Variants in C5 observed in about 807,000 individuals in gnomAD.
C5 encodes the protein complement C5.
Under a neutral mutation model 218.8 loss-of-function variants are expected in C5, and 140 were observed. The observed-to-expected ratio is 0.64, with a 90% CI of 0.56 to 0.74. The LOEUF is 0.74. Ranked by LOEUF, C5 falls within the 30% of genes least tolerant of loss-of-function variation. C5 has a pLI of 0.00. For synonymous variants in C5, 614 were observed against 682.3 expected (o/e 0.90, Z 1.56); for missense variants, 1,700 against 1,969.6 (o/e 0.86, Z 2.59).
At chr9:121,002,284 A>ATGTGTGTGTG (rs1301302145) in intron 20 of C5, among the ~76,000 whole-genome samples, 11 of 118,648 alleles carry the variant, frequency 9.3e-5, no homozygotes, top group Middle Eastern at 4.5e-3. Context: ...ATATATACGT[A>ATGTGTGTGTG]TATATGTATA....
intron 3 of C5, among the ~76,000 whole-genome samples, chr9:121,040,699 A>C (rs925104958): frequency 6.6e-6 from 1 of 152,152 alleles, no homozygotes; most frequent in African/African-American, 2.4e-5. Flanking sequence ...TCTATGAGGT[A>C]AGTTGTATTA....
chr9:121,025,768 A>T (rs1054127980), intron 8 of C5, 188 bp from the exon 9 acceptor site: 2 of 545,098 alleles, frequency 3.7e-6, no homozygotes, highest in Admixed American at 3.1e-5. Flanking sequence ...ATTTGTATAG[A>T]ATTATAGAAG....
At chr9:120,985,065 TG>T (rs959274200) in intron 25 of C5, among the ~76,000 whole-genome samples, 1 of 152,132 alleles carries the variant, frequency 6.6e-6, no homozygotes, top group Non-Finnish European at 1.5e-5. Context: ...TTGGTACTCT[TG>T]GGTGTCTCAT....
In C5 at chr9:120,962,795, G is replaced by T; in HGVS notation, c.4399-19C>A. ...AGGGAATCTGTTTAACAAATTCAAGGATTTAAGGAAATTATGGAGAGATGA... is the reference window on the plus strand; with the variant it reads ...AGGGAATCTGTTTAACAAATTCAAGTATTTAAGGAAATTATGGAGAGATGA... On this transcript the variant is annotated intron_variant, in intron 35 of 40. Transcript: ENST00000223642. 6.2e-7 allele frequency: 1 copy of T among 1,606,254 alleles called. No homozygotes were observed. The highest frequency in any genetic ancestry group is 8.5e-7 in the Non-Finnish European group (1 of 1,172,880).
intron 20 of C5, among the ~76,000 whole-genome samples, chr9:121,003,900 G>A (rs2047193054): frequency 1.3e-5 from 2 of 151,940 alleles, no homozygotes; most frequent in African/African-American, 4.8e-5. Flanking sequence ...ACGGAGTGTC[G>A]CTCTGTCGCC....
At chr9:120,982,590 A>T (rs2047003133) in intron 26 of C5, 65 bp downstream of exon 26, 5 of 1,266,198 alleles carry the variant, frequency 3.9e-6, no homozygotes. Context: ...TCCTCCCATA[A>T]TCAGATGAGA....
chr9:120,962,180 C>T (rs2046832344), intron 36 of C5, among the ~76,000 whole-genome samples: 1 of 152,180 alleles, frequency 6.6e-6, no homozygotes, highest in African/African-American at 2.4e-5. Flanking sequence ...ATACCCGACG[C>T]TGCGTTAGAT....
At chr9:121,029,462 T>C (rs1052458490) in intron 7 of C5, among the ~76,000 whole-genome samples, 8 of 152,224 alleles carry the variant, frequency 5.3e-5, no homozygotes, top group Non-Finnish European at 1.2e-4. Flanking sequence ...TATCAACGCA[T>C]AGAGTTGTTG....
In C5 at chr9:121,020,094, C is replaced by A. The variant is rs780567968; in HGVS notation, c.1388G>T (p.Ser463Ile). ...ATCAGTCCAATCAATATAAAGGTAA[C>A]TTTGGCTGAGAGATGAGTATGCTAT... ...RAIAYSSLSQ[S>I]YLYIDWTDNH... is the part of the protein sequence containing the mutation. The change falls in exon 12 of 41, where the codon AGT (serine) becomes ATT (isoleucine). Residue 463 changes from serine (S) to isoleucine (I), a missense_variant. Ser to Ile is a moderately radical substitution (Grantham distance 142, BLOSUM62 -2). Coordinates refer to ENST00000223642, the MANE Select transcript of C5 (RefSeq NM_001735.3). 6.2e-7 allele frequency: 1 copy of A among 1,613,768 alleles called. No individual in the cohort carries two copies. Among genetic ancestry groups the A allele is most frequent in the South Asian group, 1.1e-5 (1 of 91,076 alleles).
chr9:121,072,247 G>T, the C5 span, among the ~76,000 whole-genome samples: 1 of 152,034 alleles, frequency 6.6e-6, no homozygotes, highest in Non-Finnish European at 1.5e-5. Context: ...CCACCCTCTG[G>T]ACTTTTTATG....
the C5 span, among the ~76,000 whole-genome samples, chr9:121,060,045 T>C: frequency 6.6e-6 from 1 of 152,248 alleles, no homozygotes; most frequent in East Asian, 1.9e-4. Context: ...ATTTATTACA[T>C]AGCAATAGTA....
chr9:121,050,191 T>C lies in C5; in HGVS notation c.56A>G (p.Gln19Arg), dbSNP rs2047661225. ...FLIFLGKTWG[Q>R]EQTYVISAPK... ...AGCTTGTTTTACTTACGTTTGCTCC[T>C]GTCCCCAGGTTTTCCCCAGGAAGAT... The change falls in exon 1 of 41, where the codon CAG (glutamine) becomes CGG (arginine). Residue 19 changes from glutamine (Q) to arginine (R), a missense_variant. Transcript: ENST00000223642. 1 of 1,613,320 alleles carries C rather than the reference T, an allele frequency of 6.2e-7. No homozygotes were observed. Among genetic ancestry groups the C allele is most frequent in the Non-Finnish European group, 8.5e-7 (1 of 1,179,374 alleles).
chr9:121,028,069 T>C (rs1243163732), intron 7 of C5, among the ~76,000 whole-genome samples: 2 of 152,222 alleles, frequency 1.3e-5, no homozygotes, highest in African/African-American at 4.8e-5. Context: ...AAGACATTTA[T>C]GCAGCTAACA....
the C5 span, among the ~76,000 whole-genome samples, chr9:121,070,087 G>C: frequency 6.6e-6 from 1 of 152,106 alleles, no homozygotes; most frequent in East Asian, 1.9e-4. Flanking sequence ...GCCAGACGTA[G>C]TGGCTCATGC....
chr9:121,043,210 G>A (rs2047596413), intron 2 of C5, 44 bp from the exon 3 acceptor site: 1 of 1,448,226 alleles, frequency 6.9e-7, no homozygotes, highest in Non-Finnish European at 9.6e-7. Context: ...TAATTCTAAA[G>A]TTATTAAACC....
intron 29 of C5, 32 bp downstream of exon 29, chr9:120,976,668 C>T: frequency 1.3e-6 from 2 of 1,561,554 alleles, no homozygotes; most frequent in Non-Finnish European, 1.8e-6. Flanking sequence ...AAAATGTCTA[C>T]AGGGAGATGA....
intron 25 of C5, among the ~76,000 whole-genome samples, chr9:120,988,052 A>C (rs2047047559): frequency 6.6e-6 from 1 of 152,154 alleles, no homozygotes; most frequent in Non-Finnish European, 1.5e-5. Flanking sequence ...TGTCCTCCCA[A>C]AGTGCTGGGA....
chr9:121,055,713 T>G, the C5 span, among the ~76,000 whole-genome samples: 1 of 152,166 alleles, frequency 6.6e-6, no homozygotes, highest in Non-Finnish European at 1.5e-5. Flanking sequence ...CCTTGGGCCT[T>G]GAATAAACAT....
chr9:121,002,216 GTATA>G (rs757615788), intron 20 of C5, among the ~76,000 whole-genome samples: 42,454 of 111,050 alleles, frequency 0.38, 9,160 homozygotes, highest in South Asian at 0.61. Context: ...GTATATATAC[GTATA>G]TATATATATG....
Sources: gnomAD v4.1 joint callset for allele counts (sites outside exome capture counted in the v4.1 genomes callset) on GRCh38, gnomAD v4.1.1 for gene constraint, MANE v1.5 for transcripts, NCBI Gene and HGNC (gene_info 2026-07-23, HGNC 2026-07-21) for gene names.